Variants in ACSM2B observed in about 807,000 individuals in gnomAD.
ACSM2B encodes acyl-CoA synthetase medium chain family member 2B.
ACSM2B carries 58 observed loss-of-function variants against 78.6 expected under a neutral mutation model. The ratio of observed to expected loss-of-function variants is 0.74; its 90% confidence interval spans 0.60 to 0.92. ACSM2B has a LOEUF of 0.92. Ranked by LOEUF, ACSM2B falls within the 40% of genes least tolerant of loss-of-function variation. The pLI is 0.00. For missense variants in ACSM2B, 688 were observed against 711.2 expected (o/e 0.97, Z 0.37); for synonymous variants, 257 against 256.8 (o/e 1.00, Z -0.01).
chr16:20,566,700 A>ATATATAGTATATATAGTATATATATAC (rs1348333544), intron 1 of ACSM2B, among the ~76,000 whole-genome samples: 1 of 6,704 alleles, frequency 1.5e-4, no homozygotes, highest in Non-Finnish European at 2.8e-4. Flanking sequence ...TATATATAGT[A>ATATATAGTATATATAGTATATATATAC]TATATATAGT....
At chr16:20,545,819 T>A (rs2015123401) in intron 9 of ACSM2B, among the ~76,000 whole-genome samples, 1 of 152,184 alleles carries the variant, frequency 6.6e-6, no homozygotes, top group African/African-American at 2.4e-5. Flanking sequence ...TATACAGAAC[T>A]ATACACATAA....
In ACSM2B at chr16:20,566,636, A is replaced by G. The variant is rs1413536478; in HGVS notation, c.-8-1783T>C. The stretch of plus-strand genomic sequence containing the variant: ...ATATAGTATATATACTATATATAGT[A>G]TATATATACTATACTATATATATGT... On this transcript the variant is annotated intron_variant, in intron 1 of 13. Coordinates refer to ENST00000329697, the MANE Select transcript of ACSM2B (RefSeq NM_001105069.2). 8.5e-5 allele frequency among the ~76,000 whole-genome samples: 3 copies of G among 35,482 alleles called. 1 individual carries two copies. The highest frequency in any genetic ancestry group is 1.3e-4 in the Non-Finnish European group (3 of 23,942). The allele number at this position is 35,482 out of a possible 152,430, so 23.3% of individuals were successfully genotyped here.
chr16:20,566,875 C>CTA (rs1257011359), intron 1 of ACSM2B, among the ~76,000 whole-genome samples: 2 of 122,856 alleles, frequency 1.6e-5, no homozygotes, highest in African/African-American at 3.1e-5. Context: ...TAGTATATCT[C>CTA]TATATATAAT....
chr16:20,568,610 GGT>G (rs1338054131), intron 1 of ACSM2B, among the ~76,000 whole-genome samples: 1 of 151,380 alleles, frequency 6.6e-6, no homozygotes, highest in African/African-American at 2.4e-5. Context: ...TGGATCAAAT[GGT>G]AGTTCTACTT....
In ACSM2B at chr16:20,542,636, A is replaced by G. The variant is rs377109104; in HGVS notation, c.1509+278T>C. 2,442 of 425,772 alleles carry G rather than the reference A, an allele frequency of 5.7e-3. 14 individuals carry two copies. The highest frequency in any genetic ancestry group is 8.3e-3 in the Non-Finnish European group (1,972 of 238,848). 26.4% of individuals were successfully genotyped at this position (425,772 alleles called of 1,614,324 possible). On this transcript the variant is annotated intron_variant, in intron 12 of 13. Coordinates refer to ENST00000329697, the MANE Select transcript of ACSM2B (RefSeq NM_001105069.2). ...TACCCAGTAGTGGGATTGCTGGATC[A>G]TATGGTAGTTCTGTTTAGTTTTTTG...
At chr16:20,566,132 T>C (rs543817151) in intron 1 of ACSM2B, among the ~76,000 whole-genome samples, 9 of 145,576 alleles carry the variant, frequency 6.2e-5, no homozygotes, top group Non-Finnish European at 1.4e-4. Flanking sequence ...TCTATTTTTA[T>C]ATATATTTTT....
chr16:20,567,503 A>ATATATATAAAT (rs1288016517), intron 1 of ACSM2B, among the ~76,000 whole-genome samples: 2 of 127,446 alleles, frequency 1.6e-5, no homozygotes, highest in East Asian at 4.2e-4. Context: ...AATATATAAA[A>ATATATATAAAT]TATATAAATA....
At chr16:20,560,779 G>A (rs2015629254) in intron 2 of ACSM2B, among the ~76,000 whole-genome samples, 1 of 152,108 alleles carries the variant, frequency 6.6e-6, no homozygotes, top group Non-Finnish European at 1.5e-5. Context: ...GAAAAGTTTG[G>A]AACGTCTTAG....
intron 3 of ACSM2B, 143 bp from the exon 4 acceptor site, chr16:20,555,619 G>A (rs2015450862): frequency 2.0e-6 from 3 of 1,465,930 alleles, no homozygotes; most frequent in Admixed American, 2.6e-5. Context: ...AATAAAAAAG[G>A]GGACTAAGGA....
intron 10 of ACSM2B, among the ~76,000 whole-genome samples, chr16:20,544,353 A>G (rs1418630537): frequency 2.0e-5 from 3 of 152,210 alleles, no homozygotes; most frequent in South Asian, 2.1e-4. Flanking sequence ...AGATCACGCT[A>G]TACATAGTAG....
intron 1 of ACSM2B, chr16:20,574,368 A>G (rs1398043394): frequency 1.3e-5 from 2 of 152,070 alleles, no homozygotes; most frequent in Non-Finnish European, 2.9e-5. Flanking sequence ...TTTGTGCAAT[A>G]GTAGTCCTGA....
At chr16:20,568,205 A>T (rs1277452657) in intron 1 of ACSM2B, among the ~76,000 whole-genome samples, 5 of 144,020 alleles carry the variant, frequency 3.5e-5, no homozygotes, top group Non-Finnish European at 7.6e-5. Context: ...ATAAAATATA[A>T]ATATATGTAA....
chr16:20,546,833 T>C (rs2015157366), intron 8 of ACSM2B: 1 of 194,324 alleles, frequency 5.1e-6, no homozygotes, highest in African/African-American at 2.3e-5. Flanking sequence ...TAAAATATAC[T>C]TACTTTTATT....
chr16:20,545,098 T>G, intron 10 of ACSM2B, 59 bp downstream of exon 10: 1 of 1,557,846 alleles, frequency 6.4e-7, no homozygotes, highest in Non-Finnish European at 8.8e-7. Flanking sequence ...TCCTCCCTCA[T>G]CCCGTTTAGT....
chr16:20,560,567 G>A (rs765904438), intron 2 of ACSM2B, among the ~76,000 whole-genome samples: 26 of 151,990 alleles, frequency 1.7e-4, no homozygotes, highest in Non-Finnish European at 3.1e-4. Context: ...AGAACTTTGG[G>A]CCAATTAAAT....
At chr16:20,569,210 G>C (rs1040206996) in intron 1 of ACSM2B, among the ~76,000 whole-genome samples, 1 of 151,962 alleles carries the variant, frequency 6.6e-6, no homozygotes, top group Non-Finnish European at 1.5e-5. Context: ...TTAGATTTAA[G>C]TCCTTGATCC....
chr16:20,548,509 A>G, intron 6 of ACSM2B, 36 bp from the exon 7 acceptor site: 1 of 1,613,318 alleles, frequency 6.2e-7, no homozygotes, highest in South Asian at 1.1e-5. Context: ...ATTGGTCACC[A>G]GGTCAAATGC....
intron 1 of ACSM2B, among the ~76,000 whole-genome samples, chr16:20,573,268 G>A (rs1258235241): frequency 1.3e-5 from 2 of 151,494 alleles, no homozygotes; most frequent in Non-Finnish European, 2.9e-5. Context: ...TTCCCCTGAT[G>A]TAGTACTCTT....
rs193274528 is a variant in ACSM2B at position 20,540,957 on chromosome 16, C to T, written c.1510-184G>A. On this transcript the variant is annotated intron_variant, in intron 12 of 13. Transcript: ENST00000329697. ...ATGAGGTTCCAGCTCTCTCTGAAGT[C>T]GTTTATTGGAGGAGCAGGTGGACAA... The T allele has an allele frequency of 6.2e-5, 54 of 871,544 alleles. No individual in the cohort carries two copies. In the East Asian group the frequency reaches 8.9e-4, roughly 14 times the overall value. 54.0% of individuals were successfully genotyped at this position (871,544 alleles called of 1,614,324 possible). A position where few individuals can be genotyped will look rare whatever the true frequency, so the allele number is the denominator to read the frequency against.
Sources: gnomAD v4.1 joint callset for allele counts (sites outside exome capture counted in the v4.1 genomes callset) on GRCh38, gnomAD v4.1.1 for gene constraint, MANE v1.5 for transcripts, NCBI Gene and HGNC (gene_info 2026-07-23, HGNC 2026-07-21) for gene names.